Variants in KIAA1549L observed in about 807,000 individuals in gnomAD.
KIAA1549L encodes UPF0606 protein KIAA1549L.
In KIAA1549L, 88 loss-of-function variants were observed where a neutral mutation model predicts 160.7. The observed-to-expected ratio is 0.55, with a 90% CI of 0.46 to 0.65. The LOEUF (loss-of-function observed/expected upper bound fraction) is 0.65, where lower values mean the gene tolerates loss of function less well. KIAA1549L is among the 30% of genes least tolerant of loss of function. The probability of loss-of-function intolerance (pLI) is 0.00; values close to 1 mark genes in which losing one functional copy is unlikely to be tolerated. For missense variants in KIAA1549L, 2,258 were observed against 2,437.5 expected (o/e 0.93, Z 1.55); for synonymous variants, 950 against 976.7 (o/e 0.97, Z 0.51).
In KIAA1549L at chr11:33,478,760, C is replaced by T. The variant is rs146917731; in HGVS notation, c.239-63042C>T. Reference sequence around the variant, plus strand: ...AAATTATTATTATTATGATTTTAGACGGAGTCTTGCTCTGTGGCCAGGCTG... The same window carrying T: ...AAATTATTATTATTATGATTTTAGATGGAGTCTTGCTCTGTGGCCAGGCTG... On this transcript the variant is annotated intron_variant, in intron 1 of 20. Coordinates refer to ENST00000658780, the MANE Select transcript of KIAA1549L (RefSeq NM_012194.3). Among the ~76,000 whole-genome samples, 1,162 of 152,212 alleles carry T rather than the reference C, an allele frequency of 7.6e-3. 63 individuals are homozygous for T. The highest frequency in any genetic ancestry group is 0.069 in the Admixed American group (1,050 of 15,296).
intron 8 of KIAA1549L, among the ~76,000 whole-genome samples, 193 bp downstream of exon 8, chr11:33,561,928 A>G (rs1350251337): frequency 6.6e-6 from 1 of 152,236 alleles, no homozygotes; most frequent in Non-Finnish European, 1.5e-5. Flanking sequence ...GAAGATGAAT[A>G]TTAGCTAAAC....
At chr11:33,631,430 G>C (rs1211678164) in intron 16 of KIAA1549L, among the ~76,000 whole-genome samples, 1 of 152,180 alleles carries the variant, frequency 6.6e-6, no homozygotes, top group Admixed American at 6.5e-5. Flanking sequence ...AGGCTGCTCA[G>C]CCTCCTCGCT....
At chr11:33,419,843 T>C (rs1850963212) in intron 1 of KIAA1549L, among the ~76,000 whole-genome samples, 1 of 151,390 alleles carries the variant, frequency 6.6e-6, no homozygotes, top group African/African-American at 2.4e-5. Flanking sequence ...CAAGACTGTC[T>C]TTAAAAAAAA....
In KIAA1549L at chr11:33,603,121, C is replaced by T. The variant is rs138655871; in HGVS notation, c.4880-3520C>T. On this transcript the variant is annotated intron_variant, in intron 13 of 20. Coordinates refer to ENST00000658780, the MANE Select transcript of KIAA1549L (RefSeq NM_012194.3). ...TTACCTGTTCTGCAGGTACTAACAG[C>T]ATCTCCTTTTCCAAGTCAGGGAAAT... Among the ~76,000 whole-genome samples, 241 of 152,230 alleles carry T rather than the reference C, an allele frequency of 1.6e-3. 1 individual carries two copies. The highest frequency in any genetic ancestry group is 5.7e-3 in the African/African-American group (236 of 41,566).
At position 33,544,078 on chromosome 11, in the gene KIAA1549L, C is replaced by A; in HGVS notation, c.2515C>A (p.Gln839Lys). 1 of 1,614,044 alleles carries A rather than the reference C, an allele frequency of 6.2e-7. No individual in the cohort carries two copies. The highest frequency in any genetic ancestry group is 8.5e-7 in the Non-Finnish European group (1 of 1,179,894). ...VSHPQLQLPNQPAHPLLLTSP... is the reference protein window; with the variant it reads ...VSHPQLQLPNKPAHPLLLTSP... ...TCATCCTCAGCTACAGTTGCCCAAC[C>A]AGCCAGCACATCCTCTTTTGCTAAC... The change falls in exon 2 of 21, where the codon CAG (glutamine) becomes AAG (lysine). Residue 839 changes from glutamine (Q) to lysine (K), a missense_variant. Transcript: ENST00000658780.
At chr11:33,658,679 C>A in intron 18 of KIAA1549L, 71 bp from the exon 19 acceptor site, 4 of 1,482,402 alleles carry the variant, frequency 2.7e-6, no homozygotes, top group South Asian at 1.2e-5. Flanking sequence ...GGTGACGGGG[C>A]GCACTCCTCC....
chr11:33,561,564 CAAG>C, intron 7 of KIAA1549L, 109 bp from the exon 8 acceptor site: 5 of 861,112 alleles, frequency 5.8e-6, no homozygotes, highest in Non-Finnish European at 7.6e-6. Context: ...CCCAGGAGTT[CAAG>C]AACAGCCTGG....
chr11:33,439,145 C>T (rs1454735082), intron 1 of KIAA1549L, among the ~76,000 whole-genome samples: 1 of 152,158 alleles, frequency 6.6e-6, no homozygotes, highest in Non-Finnish European at 1.5e-5. Flanking sequence ...GTCAGGCCCT[C>T]AGGTGATCCA....
intron 3 of KIAA1549L, among the ~76,000 whole-genome samples, chr11:33,546,062 G>C (rs1854249743): frequency 6.6e-6 from 1 of 152,172 alleles, no homozygotes; most frequent in Non-Finnish European, 1.5e-5. Context: ...CCATTCCCCA[G>C]CTGTAGCAAA....
chr11:33,425,763 A>G lies in KIAA1549L; in HGVS notation c.238+48874A>G, dbSNP rs570313626. The stretch of plus-strand genomic sequence containing the variant: ...AACCCAGCAAACACTACTTTAGCCA[A>G]ATAAAGTAATCAAAGATAACATCAC... On this transcript the variant is annotated intron_variant, in intron 1 of 20. Coordinates refer to ENST00000658780, the MANE Select transcript of KIAA1549L (RefSeq NM_012194.3). 3.9e-5 allele frequency among the ~76,000 whole-genome samples: 6 copies of G among 152,358 alleles called. No homozygotes were observed. The East Asian group carries it at 1.2e-3, about 29-fold the overall frequency.
intron 1 of KIAA1549L, among the ~76,000 whole-genome samples, chr11:33,515,060 C>A (rs1853313748): frequency 6.6e-6 from 1 of 152,080 alleles, no homozygotes; most frequent in Non-Finnish European, 1.5e-5. Flanking sequence ...GTTGCTATGT[C>A]CATAGAAATT....
At chr11:33,538,048 G>T (rs1455312357) in intron 1 of KIAA1549L, among the ~76,000 whole-genome samples, 1 of 152,180 alleles carries the variant, frequency 6.6e-6, no homozygotes, top group Non-Finnish European at 1.5e-5. Flanking sequence ...CAGCATGGCT[G>T]GGGAGGCCTC....
At chr11:33,559,669 C>T (rs1320542367) in intron 6 of KIAA1549L, 80 bp from the exon 7 acceptor site, 2 of 1,219,794 alleles carry the variant, frequency 1.6e-6, no homozygotes, top group African/African-American at 1.5e-5. Flanking sequence ...TGCTTAGCCT[C>T]CCCCTCCCAT....
chr11:33,392,724 G>A (rs16924272), intron 1 of KIAA1549L, among the ~76,000 whole-genome samples: 16,733 of 152,138 alleles, frequency 0.11, 1,521 homozygotes, highest in African/African-American at 0.25. Context: ...AAAACAACCA[G>A]ATTGCCAGTT....
intron 17 of KIAA1549L, among the ~76,000 whole-genome samples, 154 bp downstream of exon 17, chr11:33,646,190 C>T (rs770072751): frequency 2.6e-5 from 4 of 152,198 alleles, no homozygotes; most frequent in Non-Finnish European, 5.9e-5. Context: ...CATCTTCCAC[C>T]CATGATCCAA....
intron 1 of KIAA1549L, among the ~76,000 whole-genome samples, chr11:33,389,917 C>G (rs1850241444): frequency 6.6e-6 from 1 of 152,230 alleles, no homozygotes; most frequent in African/African-American, 2.4e-5. Context: ...AGCTACACAA[C>G]TAAAACTAGC....
intron 6 of KIAA1549L, among the ~76,000 whole-genome samples, chr11:33,558,297 T>TA (rs1331527133): frequency 6.6e-6 from 1 of 152,148 alleles, no homozygotes; most frequent in Non-Finnish European, 1.5e-5. Context: ...GCAGGAGCAG[T>TA]ACGGTACCCA....
intron 1 of KIAA1549L, among the ~76,000 whole-genome samples, chr11:33,517,087 G>T (rs2133117037): frequency 6.6e-6 from 1 of 152,328 alleles, no homozygotes; most frequent in African/African-American, 2.4e-5. Flanking sequence ...CATTTTTGCA[G>T]ATGATGCAGC....
At chr11:33,617,210 A>T (rs1371166002) in intron 15 of KIAA1549L, among the ~76,000 whole-genome samples, 1 of 151,724 alleles carries the variant, frequency 6.6e-6, no homozygotes, top group Non-Finnish European at 1.5e-5. Context: ...AATCACAGGG[A>T]GACTTATAGC....
Sources: allele counts gnomAD v4.1 joint callset (sites outside exome capture counted in the v4.1 genomes callset), GRCh38; gene constraint gnomAD v4.1.1; transcripts MANE v1.5; gene names NCBI Gene and HGNC (gene_info 2026-07-23, HGNC 2026-07-21).